The following SEC24A variants were observed in gnomAD, a reference collection of about 807,000 sequenced individuals.
SEC24A encodes protein transport protein Sec24A.
In SEC24A, 93 loss-of-function variants were observed where a neutral mutation model predicts 129.4. The observed-to-expected ratio is 0.72, with a 90% CI of 0.61 to 0.85. The LOEUF (loss-of-function observed/expected upper bound fraction) is 0.85, where lower values mean the gene tolerates loss of function less well. SEC24A is among the 40% of genes least tolerant of loss of function. The pLI, the probability that SEC24A is intolerant of heterozygous loss-of-function variation, is 0.00. For synonymous variants in SEC24A, 460 were observed against 467.3 expected (o/e 0.98, Z 0.20); for missense variants, 1,264 against 1,307.4 (o/e 0.97, Z 0.51).
chr5:134,695,226 G>A (rs972311236), intron 13 of SEC24A, among the ~76,000 whole-genome samples: 1 of 151,970 alleles, frequency 6.6e-6, no homozygotes, highest in African/African-American at 2.4e-5. Flanking sequence ...AAAAAAATTA[G>A]CCAGGTGTGA....
intron 15 of SEC24A, among the ~76,000 whole-genome samples, chr5:134,698,727 G>A (rs1484460449): frequency 6.7e-6 from 1 of 148,952 alleles, no homozygotes; most frequent in Non-Finnish European, 1.5e-5. Flanking sequence ...CACCTCTCGA[G>A]TTCAAGTGAT....
intron 21 of SEC24A, among the ~76,000 whole-genome samples, chr5:134,723,143 G>C (rs1245315113): frequency 6.6e-6 from 1 of 152,014 alleles, no homozygotes; most frequent in African/African-American, 2.4e-5. Context: ...GGGCAACAGA[G>C]CAAGACCTTG....
chr5:134,679,956 A>T (rs1474483847), intron 8 of SEC24A, among the ~76,000 whole-genome samples: 1 of 152,064 alleles, frequency 6.6e-6, no homozygotes, highest in Non-Finnish European at 1.5e-5. Context: ...TGGATATCCC[A>T]TTTTTACATT....
At chr5:134,713,056 C>T (rs538636238) in intron 18 of SEC24A, among the ~76,000 whole-genome samples, 6 of 150,724 alleles carry the variant, frequency 4.0e-5, no homozygotes, top group Middle Eastern at 6.8e-3. Flanking sequence ...CTCAGCCTCC[C>T]GAGTAGCTGG....
chr5:134,652,357 T>C (rs1451672245), intron 1 of SEC24A, among the ~76,000 whole-genome samples: 1 of 150,204 alleles, frequency 6.7e-6, no homozygotes, highest in East Asian at 2.0e-4. Context: ...GGCGTGATCT[T>C]GGCTCACTGC....
intron 11 of SEC24A, among the ~76,000 whole-genome samples, chr5:134,689,643 C>T (rs1214643442): frequency 6.6e-6 from 1 of 152,172 alleles, no homozygotes; most frequent in African/African-American, 2.4e-5. Flanking sequence ...TACCTGTAGT[C>T]CCAGCTACTC....
At chr5:134,714,903 A>T in intron 18 of SEC24A, 121 bp from the exon 19 acceptor site, 1 of 997,720 alleles carries the variant, frequency 1.0e-6, no homozygotes, top group Non-Finnish European at 1.5e-6. Flanking sequence ...ACTTTAAAAA[A>T]ATTAACAGTA....
chr5:134,655,007 G>T (rs777129976), intron 1 of SEC24A, among the ~76,000 whole-genome samples: 2 of 151,846 alleles, frequency 1.3e-5, no homozygotes, highest in Admixed American at 1.3e-4. Flanking sequence ...GAACCACTAC[G>T]CCTGGCCCAG....
chr5:134,704,803 T>TAAA (rs554646435), intron 16 of SEC24A, among the ~76,000 whole-genome samples: 1 of 131,260 alleles, frequency 7.6e-6, no homozygotes, highest in Non-Finnish European at 1.6e-5. Flanking sequence ...ACCTTGTTTC[T>TAAA]AAAAAAAAAA....
chr5:134,679,360 T>C (rs1751181326), intron 7 of SEC24A, among the ~76,000 whole-genome samples: 1 of 152,114 alleles, frequency 6.6e-6, no homozygotes, highest in Admixed American at 6.6e-5. Flanking sequence ...CCCCAGCCAA[T>C]AATTTTTTTT....
chr5:134,683,209 CG>C (rs1198616352), intron 9 of SEC24A, among the ~76,000 whole-genome samples: 2 of 151,774 alleles, frequency 1.3e-5, no homozygotes, highest in African/African-American at 2.4e-5. Flanking sequence ...TTAATAGAGA[CG>C]GGGTTTCACC....
At chr5:134,711,714 A>G (rs572952628) in intron 18 of SEC24A, among the ~76,000 whole-genome samples, 26 of 149,086 alleles carry the variant, frequency 1.7e-4, no homozygotes, top group East Asian at 4.0e-4. Context: ...TATTTTTAGT[A>G]GAGACGGGGT....
chr5:134,673,575 A>G (rs1428160662), intron 4 of SEC24A, among the ~76,000 whole-genome samples: 2 of 151,832 alleles, frequency 1.3e-5, no homozygotes, highest in East Asian at 3.9e-4. Flanking sequence ...CTACCACCTC[A>G]GCCTCTCAAG....
In SEC24A at chr5:134,686,784, C is replaced by T. The variant is rs915882530; in HGVS notation, c.1492-6C>T. 8 of 1,553,962 alleles carry T rather than the reference C, an allele frequency of 5.1e-6. No individual in the cohort carries two copies. The highest frequency in any genetic ancestry group is 3.8e-5 in the Admixed American group (2 of 52,074). The stretch of plus-strand genomic sequence containing the variant: ...AATGTACTTAACAAGATCTTTTTTT[C>T]TTCAGTTACGACCACCTCAGCCTCC... On this transcript the variant is annotated splice_region_variant and splice_polypyrimidine_tract_variant and intron_variant, in intron 9 of 22. Transcript: ENST00000398844.
At position 134,717,934 on chromosome 5, in the gene SEC24A, A is replaced by G. The variant is rs373282426; in HGVS notation, c.2866-135A>G. On this transcript the variant is annotated intron_variant, in intron 19 of 22. Transcript: ENST00000398844. ...CCGTCTCAAATAAATAAATAAATAA[A>G]TAAGAATAATTGTGATTTACCTAAG... 41 of 598,078 alleles carry G rather than the reference A, an allele frequency of 6.9e-5. No homozygotes were observed. In the East Asian group the frequency reaches 8.3e-4, roughly 12 times the overall value. The allele number at this position is 598,078 out of a possible 1,614,324, so 37.0% of individuals were successfully genotyped here.
intron 20 of SEC24A, 54 bp from the exon 21 acceptor site, chr5:134,720,944 C>T: frequency 1.1e-6 from 1 of 948,024 alleles, no homozygotes; most frequent in South Asian, 1.4e-5. Flanking sequence ...ACTCACTCAA[C>T]AGACTCACCT....
At chr5:134,682,016 C>T (rs540855063) in intron 8 of SEC24A, among the ~76,000 whole-genome samples, 162 of 152,032 alleles carry the variant, frequency 1.1e-3, no homozygotes, top group South Asian at 2.9e-3. Flanking sequence ...CCAAGGCGGG[C>T]GGATCACCTG....
chr5:134,707,234 C>G (rs1752191865), intron 17 of SEC24A, among the ~76,000 whole-genome samples: 1 of 152,128 alleles, frequency 6.6e-6, no homozygotes, highest in African/African-American at 2.4e-5. Context: ...TTACGTGGAG[C>G]CTGGTAAAGG....
intron 18 of SEC24A, among the ~76,000 whole-genome samples, chr5:134,710,215 T>C (rs1260264442): frequency 3.5e-5 from 5 of 143,548 alleles, no homozygotes; most frequent in Non-Finnish European, 6.0e-5. Context: ...TCTTCTTCTT[T>C]TTTTTTTTTT....
Sources: gnomAD v4.1 joint callset for allele counts (sites outside exome capture counted in the v4.1 genomes callset) on GRCh38, gnomAD v4.1.1 for gene constraint, MANE v1.5 for transcripts, NCBI Gene and HGNC (gene_info 2026-07-23, HGNC 2026-07-21) for gene names.